Variants in SYTL3 observed in about 807,000 individuals in gnomAD.
SYTL3 encodes synaptotagmin like 3, also known as synaptotagmin-like protein 3.
SYTL3 carries 88 observed loss-of-function variants against 82.1 expected under a neutral mutation model. The observed-to-expected ratio is 1.07, with a 90% CI of 0.90 to 1.28. The LOEUF (loss-of-function observed/expected upper bound fraction) is 1.28, where lower values mean the gene tolerates loss of function less well. Among genes scored for constraint, SYTL3 ranks in the 50% most tolerant of loss-of-function variants. SYTL3 has a pLI of 0.00. For synonymous variants in SYTL3, 311 were observed against 289.4 expected, an observed-to-expected ratio of 1.07 and a Z score of -0.76; for missense variants, 831 against 757.6, an observed-to-expected ratio of 1.10 and a Z score of -1.14.
chr6:158,735,436 G>T (rs1786019782), intron 11 of SYTL3, among the ~76,000 whole-genome samples: 1 of 152,058 alleles, frequency 6.6e-6, no homozygotes, highest in African/African-American at 2.4e-5. Flanking sequence ...AGTTTTCTCT[G>T]ATTTGTGCCC....
chr6:158,677,236 A>T (rs1044903115), intron 5 of SYTL3, among the ~76,000 whole-genome samples: 4 of 152,286 alleles, frequency 2.6e-5, no homozygotes, highest in African/African-American at 4.8e-5. Context: ...ATAAAAAAGG[A>T]TGAGTTCATG....
chr6:158,661,763 C>A (rs1789406211), intron 3 of SYTL3, among the ~76,000 whole-genome samples: 1 of 152,190 alleles, frequency 6.6e-6, no homozygotes, highest in Admixed American at 6.5e-5. Context: ...TTGTCACCAA[C>A]AGAAATCACA....
intron 13 of SYTL3, among the ~76,000 whole-genome samples, chr6:158,754,370 G>T (rs1201525306): frequency 6.6e-6 from 1 of 152,196 alleles, no homozygotes; most frequent in African/African-American, 2.4e-5. Context: ...TCCCAGCTGA[G>T]CCTGGAGCAA....
chr6:158,669,550 CAGA>C (rs998339507), intron 5 of SYTL3, among the ~76,000 whole-genome samples: 1 of 152,208 alleles, frequency 6.6e-6, no homozygotes, highest in Non-Finnish European at 1.5e-5. Flanking sequence ...ATCATTAGAA[CAGA>C]AGGTTTCAAG....
Position 158,752,038 on chromosome 6 carries a change from C to G in SYTL3, c.1137+8C>G. On this transcript the variant is annotated splice_region_variant and intron_variant, in intron 13 of 17. Coordinates refer to ENST00000611299, the MANE Select transcript of SYTL3 (RefSeq NM_001242394.2). ...TTTCAGGAGACCTTGAAGGTACTTG[C>G]TGGACAGATATTCCTGTGCAGAGTC... 3 of 1,586,406 alleles carry G rather than the reference C, an allele frequency of 1.9e-6. No individual in the cohort carries two copies. The highest frequency in any genetic ancestry group is 2.6e-6 in the Non-Finnish European group (3 of 1,168,716).
chr6:158,652,702 C>A (rs554236041), intron 2 of SYTL3, among the ~76,000 whole-genome samples: 3 of 151,750 alleles, frequency 2.0e-5, no homozygotes, highest in African/African-American at 7.3e-5. Context: ...CCACCATGCC[C>A]GGCTAATTTT....
At chr6:158,663,683 AG>A (rs901112995) in intron 4 of SYTL3, 39 of 880,572 alleles carry the variant, frequency 4.4e-5, no homozygotes, top group African/African-American at 5.5e-5. Context: ...GAATCATTCA[AG>A]GGACATTTTC....
chr6:158,725,908 A>G (rs780612904), intron 11 of SYTL3: 130 of 686,986 alleles, frequency 1.9e-4, no homozygotes, highest in Middle Eastern at 1.7e-3. Context: ...GTAGCTTTCT[A>G]TAATGCAGCA....
At chr6:158,708,643 T>C (rs1401828058) in intron 8 of SYTL3, among the ~76,000 whole-genome samples, 1 of 152,130 alleles carries the variant, frequency 6.6e-6, no homozygotes, top group Admixed American at 6.5e-5. Flanking sequence ...GTCTCTTTAC[T>C]CTTGGCATGG....
Position 158,743,936 on chromosome 6 carries a change from T to TG in SYTL3, c.856-1543dup, listed in dbSNP as rs1787259992. On this transcript the variant is annotated intron_variant, in intron 11 of 17. Coordinates refer to ENST00000611299, the MANE Select transcript of SYTL3 (RefSeq NM_001242394.2). ...TTGTTTATTGTTTGTTTGTTTGTTT[T>TG]GAGATGGGGCCTCACTCTGTCGCCC... Among the ~76,000 whole-genome samples the TG allele has an allele frequency of 4.6e-5, 7 of 152,170 alleles. 1 individual carries two copies. The Middle Eastern group carries it at 0.02, about 444-fold the overall frequency.
intron 9 of SYTL3, among the ~76,000 whole-genome samples, chr6:158,714,573 A>G (rs1783141223): frequency 2.0e-5 from 3 of 152,138 alleles, no homozygotes; most frequent in Middle Eastern, 3.2e-3. Context: ...TGTGTCTTTC[A>G]ATGTTCTTTC....
intron 5 of SYTL3, among the ~76,000 whole-genome samples, chr6:158,670,311 T>C (rs1777221486): frequency 6.6e-6 from 1 of 152,118 alleles, no homozygotes; most frequent in African/African-American, 2.4e-5. Flanking sequence ...TTCAAGTGAG[T>C]AAAAGGTCTA....
At chr6:158,756,460 AG>A (rs1467170898) in intron 13 of SYTL3, among the ~76,000 whole-genome samples, 1 of 152,194 alleles carries the variant, frequency 6.6e-6, no homozygotes, top group Non-Finnish European at 1.5e-5. Context: ...CTGTAATCCC[AG>A]CAATTTGGGA....
chr6:158,662,261 T>C (rs1789463907), intron 3 of SYTL3, among the ~76,000 whole-genome samples: 1 of 152,220 alleles, frequency 6.6e-6, no homozygotes, highest in Admixed American at 6.5e-5. Flanking sequence ...ATTTTCTGGA[T>C]AAAAGGATGT....
At chr6:158,725,847 T>C (rs1784665284) in intron 11 of SYTL3, 9 of 721,704 alleles carry the variant, frequency 1.2e-5, no homozygotes, top group Non-Finnish European at 2.0e-5. Flanking sequence ...GTCTTGGAGT[T>C]ACTCCAGGTG....
At chr6:158,705,229 CAGTG>C (rs1231442553) in intron 6 of SYTL3, among the ~76,000 whole-genome samples, 3 of 12,674 alleles carry the variant, frequency 2.4e-4, no homozygotes, top group African/African-American at 3.5e-4. Flanking sequence ...GACAGGGTGA[CAGTG>C]AGGGCTGTAA....
chr6:158,764,288 A>G (rs989710347), intron 17 of SYTL3, among the ~76,000 whole-genome samples: 1 of 152,208 alleles, frequency 6.6e-6, no homozygotes, highest in Non-Finnish European at 1.5e-5. Context: ...AGAGCCTCGC[A>G]GAGCAGAGGA....
chr6:158,657,696 A>T (rs1435737152), intron 2 of SYTL3, among the ~76,000 whole-genome samples: 1 of 152,168 alleles, frequency 6.6e-6, no homozygotes, highest in East Asian at 1.9e-4. Context: ...ATGTTTGCAT[A>T]CATCAAATCA....
At chr6:158,707,482 A>G (rs996230950) in intron 7 of SYTL3, among the ~76,000 whole-genome samples, 1 of 151,906 alleles carries the variant, frequency 6.6e-6, no homozygotes, top group African/African-American at 2.4e-5. Context: ...GAAACCTTCT[A>G]GTTAGCATAG....
Sources: gnomAD v4.1 joint callset for allele counts (sites outside exome capture counted in the v4.1 genomes callset) on GRCh38, gnomAD v4.1.1 for gene constraint, MANE v1.5 for transcripts, NCBI Gene and HGNC (gene_info 2026-07-23, HGNC 2026-07-21) for gene names.